KSR2: variants seen among roughly 807,000 people sequenced by gnomAD.
KSR2 encodes the protein kinase suppressor of ras 2.
In KSR2, 25 loss-of-function variants were observed where a neutral mutation model predicts 107.8. That is an observed-to-expected ratio of 0.23 (90% CI 0.17 to 0.32). KSR2 has a LOEUF of 0.32. Ranked by LOEUF, KSR2 falls within the 10% of genes least tolerant of loss-of-function variation. The pLI is 1.00. For missense variants in KSR2, 887 were observed against 1,268.9 expected (o/e 0.70, Z 4.57); for synonymous variants, 480 against 507.0 (o/e 0.95, Z 0.71).
chr12:117,591,422 C>G (rs1319302492), intron 5 of KSR2, among the ~76,000 whole-genome samples: 1 of 152,084 alleles, frequency 6.6e-6, no homozygotes, highest in Non-Finnish European at 1.5e-5. Flanking sequence ...CACGACATAG[C>G]TGAGACCTGG....
intron 1 of KSR2, among the ~76,000 whole-genome samples, chr12:117,948,285 C>T (rs1384189021): frequency 4.6e-5 from 7 of 151,806 alleles, no homozygotes; most frequent in African/African-American, 9.7e-5. Flanking sequence ...GTCAGGAGTT[C>T]GAGACCAGCC....
intron 5 of KSR2, 79 bp downstream of exon 5, chr12:117,667,395 G>A: frequency 7.4e-7 from 1 of 1,353,520 alleles, no homozygotes; most frequent in Non-Finnish European, 1.0e-6. Context: ...GTTTGCACCT[G>A]GCACAGAGGA....
At chr12:117,862,790 C>T (rs536506418) in intron 1 of KSR2, among the ~76,000 whole-genome samples, 2 of 145,050 alleles carry the variant, frequency 1.4e-5, no homozygotes, top group African/African-American at 2.6e-5. Flanking sequence ...AGTACAGTGG[C>T]GCGATCTCGG....
intron 14 of KSR2, among the ~76,000 whole-genome samples, chr12:117,504,360 C>G (rs1873550434): frequency 6.6e-6 from 1 of 152,170 alleles, no homozygotes; most frequent in Non-Finnish European, 1.5e-5. Context: ...TTAGAAGGTG[C>G]AGGGACAAAA....
intron 5 of KSR2, among the ~76,000 whole-genome samples, chr12:117,599,588 A>G (rs2136287585): frequency 6.6e-6 from 1 of 152,240 alleles, no homozygotes; most frequent in East Asian, 1.9e-4. Context: ...GTGCATTGTA[A>G]GACAGTCAGC....
chr12:117,590,333 G>T (rs2136265961), intron 5 of KSR2, among the ~76,000 whole-genome samples: 1 of 152,344 alleles, frequency 6.6e-6, no homozygotes, highest in South Asian at 2.1e-4. Context: ...CCAGTGCAGT[G>T]TGGGAGAGAG....
intron 4 of KSR2, among the ~76,000 whole-genome samples, chr12:117,726,717 C>T (rs1192218195): frequency 6.6e-6 from 1 of 152,204 alleles, no homozygotes; most frequent in African/African-American, 2.4e-5. Context: ...GTAAAATATG[C>T]AAGCACTTTG....
intron 5 of KSR2, among the ~76,000 whole-genome samples, chr12:117,598,616 T>C (rs1880772245): frequency 6.6e-6 from 1 of 152,232 alleles, no homozygotes; most frequent in Non-Finnish European, 1.5e-5. Context: ...ACCACATCCA[T>C]GCCAACATCT....
At chr12:117,794,526 T>TGCACACACAACATGC (rs1376810467) in intron 3 of KSR2, among the ~76,000 whole-genome samples, 11 of 104,574 alleles carry the variant, frequency 1.1e-4, no homozygotes, top group African/African-American at 4.3e-4. Flanking sequence ...CACACCAACA[T>TGCACACACAACATGC]GCACACACAA....
At chr12:117,509,526 A>G (rs372736296) in intron 14 of KSR2, among the ~76,000 whole-genome samples, 5 of 152,368 alleles carry the variant, frequency 3.3e-5, no homozygotes, top group African/African-American at 1.2e-4. Flanking sequence ...TTGACAAGAT[A>G]GAATAATAAT....
At chr12:117,708,818 A>G (rs527967346) in intron 4 of KSR2, among the ~76,000 whole-genome samples, 1 of 152,184 alleles carries the variant, frequency 6.6e-6, no homozygotes, top group East Asian at 1.9e-4. Context: ...CCACTTCCCA[A>G]TCGTATTCAT....
rs1046824480 is a variant in KSR2, at chr12:117,634,764, G to A, written c.1171+32710C>T. On this transcript the variant is annotated intron_variant, in intron 5 of 19. Transcript: ENST00000339824. The stretch of plus-strand genomic sequence containing the variant: ...TCTGAAATCAACCAGGGTTACTTCC[G>A]AGTAGATGATATTTTTCTTGGTTGG... Among the ~76,000 whole-genome samples, 11 of 152,274 alleles carry A rather than the reference G, an allele frequency of 7.2e-5. No homozygotes were observed. In the East Asian group the frequency reaches 7.7e-4, roughly 11 times the overall value.
chr12:117,629,210 A>G (rs1350026441), intron 5 of KSR2, among the ~76,000 whole-genome samples: 2 of 152,200 alleles, frequency 1.3e-5, no homozygotes, highest in Non-Finnish European at 2.9e-5. Flanking sequence ...GGCTGTGCCC[A>G]CTGTCCAACC....
chr12:117,762,564 G>A (rs1164499992), intron 3 of KSR2, among the ~76,000 whole-genome samples: 3 of 152,120 alleles, frequency 2.0e-5, no homozygotes, highest in Non-Finnish European at 2.9e-5. Flanking sequence ...ACAGAATGAC[G>A]TGATAAAAAG....
At chr12:117,933,197 TA>T (rs1895742177) in intron 1 of KSR2, among the ~76,000 whole-genome samples, 2 of 152,036 alleles carry the variant, frequency 1.3e-5, no homozygotes, top group South Asian at 4.1e-4. Flanking sequence ...AGTTAGCAAA[TA>T]AAAAGACATT....
At chr12:117,510,532 G>A (rs1873958687) in intron 14 of KSR2, among the ~76,000 whole-genome samples, 1 of 152,182 alleles carries the variant, frequency 6.6e-6, no homozygotes, top group Non-Finnish European at 1.5e-5. Context: ...CAAGAGTGTT[G>A]TATTTACGTC....
At chr12:117,946,657 G>C (rs2137551646) in intron 1 of KSR2, among the ~76,000 whole-genome samples, 1 of 152,050 alleles carries the variant, frequency 6.6e-6, no homozygotes, top group East Asian at 1.9e-4. Context: ...ACTAAACAAA[G>C]GCAGTACAAA....
chr12:117,926,878 C>T (rs1895534684), intron 1 of KSR2, among the ~76,000 whole-genome samples: 1 of 152,152 alleles, frequency 6.6e-6, no homozygotes, highest in South Asian at 2.1e-4. Flanking sequence ...AGTTGTGTGT[C>T]CTTAGGGGAA....
intron 13 of KSR2, among the ~76,000 whole-genome samples, chr12:117,525,595 G>T (rs1221222600): frequency 1.3e-5 from 2 of 152,172 alleles, no homozygotes; most frequent in Non-Finnish European, 2.9e-5. Flanking sequence ...AGGCAGAAGA[G>T]GGACTAAGAT....
Sources: allele counts gnomAD v4.1 joint callset (sites outside exome capture counted in the v4.1 genomes callset), GRCh38; gene constraint gnomAD v4.1.1; transcripts MANE v1.5; gene names NCBI Gene and HGNC (gene_info 2026-07-23, HGNC 2026-07-21).